Variants in FAM25C observed in about 807,000 individuals in gnomAD.
FAM25C encodes the protein protein FAM25C.
A neutral mutation model predicts 9.6 loss-of-function variants in FAM25C; 4 were observed. The observed-to-expected ratio is 0.42, with a 90% confidence interval of 0.20 to 0.95. FAM25C has a LOEUF of 0.95. Among genes scored for constraint, FAM25C ranks in the 40% least tolerant of loss-of-function variants. FAM25C has a pLI of 0.31. For synonymous variants in FAM25C, 23 were observed against 44.1 expected (o/e 0.52, Z 1.89); for missense variants, 38 against 110.4 (o/e 0.34, Z 2.94).
rs1842788010 is a variant in FAM25C, at chr10:47,995,456, T to G, written c.192A>C (p.Glu64Asp). 1 of 1,530,450 alleles carries G rather than the reference T, an allele frequency of 6.5e-7. No individual in the cohort carries two copies. The highest frequency in any genetic ancestry group is 8.7e-7 in the Non-Finnish European group (1 of 1,143,292). 94.8% of individuals were successfully genotyped at this position (1,530,450 alleles called of 1,614,324 possible). A position where few individuals can be genotyped will look rare whatever the true frequency, so the allele number is the denominator to read the frequency against. ...CTGTGTTGGTCACTGTCTCGGTGAT[T>G]TCCTTCATCTTTTTGTCCCCTGACT... ...AQESGDKKMKEITETVTNTVT... is the reference protein window; with the variant it reads ...AQESGDKKMKDITETVTNTVT... Residue 64 changes from glutamate (E) to aspartate (D), a missense_variant, in exon 3 of 3, where the codon GAA (glutamate) becomes GAC (aspartate). Glu to Asp is a conservative substitution (Grantham distance 45, BLOSUM62 2). Transcript: ENST00000617224.
At chr10:47,998,891 G>C (rs1212827435) in intron 1 of FAM25C, among the ~76,000 whole-genome samples, 2 of 105,776 alleles carry the variant, frequency 1.9e-5, no homozygotes, top group Admixed American at 2.1e-4. Flanking sequence ...TTCACACGAT[G>C]ACCCATGAGT....
chr10:47,995,578 C>T, intron 2 of FAM25C, 67 bp from the exon 3 acceptor site: 3 of 1,502,846 alleles, frequency 2.0e-6, no homozygotes, highest in Non-Finnish European at 1.8e-6. Context: ...CCTTGAGTGG[C>T]CTGTGGGATG....
intron 1 of FAM25C, among the ~76,000 whole-genome samples, chr10:47,998,115 G>A (rs1347479489): frequency 1.3e-5 from 2 of 151,408 alleles, no homozygotes; most frequent in East Asian, 3.9e-4. Context: ...GGCCTGGAAT[G>A]GCAATGAGCA....
chr10:47,996,820 ATTTTTTTTTT>A (rs60497249), intron 2 of FAM25C, among the ~76,000 whole-genome samples: 7 of 75,032 alleles, frequency 9.3e-5, no homozygotes, highest in East Asian at 3.0e-4. Context: ...TTACATGTTA[ATTTTTTTTTT>A]TTTTTTTTTT....
chr10:47,998,110 G>A (rs1842830436), intron 1 of FAM25C, among the ~76,000 whole-genome samples: 1 of 151,412 alleles, frequency 6.6e-6, no homozygotes, highest in Admixed American at 6.6e-5. Flanking sequence ...TGCCCGGCCT[G>A]GAATGGCAAT....
Position 47,999,703 on chromosome 10 carries a change from G to C in FAM25C, c.63C>G (p.Thr21=). The C allele has an allele frequency of 1.3e-6, 2 of 1,543,328 alleles. No homozygotes were observed. The highest frequency in any genetic ancestry group is 1.2e-5 in the South Asian group (1 of 83,722). The stretch of plus-strand genomic sequence containing the variant: ...GCCCCGGGTCCTCACTGGCTCCCTC[G>C]GTGGCCTTCTCGGTGCGGTGGGCCA... The part of the protein sequence containing the change: ...EGLAHRTEKA[T]EGAIHAVEEV... Residue 21 remains threonine (T), a synonymous_variant, in exon 1 of 3, where the codon ACC becomes ACG. Transcript: ENST00000617224.
chr10:47,997,067 C>A (rs1555256584), intron 2 of FAM25C, among the ~76,000 whole-genome samples: 1 of 149,108 alleles, frequency 6.7e-6, no homozygotes, highest in South Asian at 2.2e-4. Flanking sequence ...GATCCGCCCA[C>A]CTCAGCCTCC....
At position 47,995,331 on chromosome 10, in the gene FAM25C, C is replaced by T. The variant is rs1842785263; in HGVS notation, c.*47G>A. The T allele has an allele frequency of 1.5e-6, 2 of 1,345,232 alleles. No individual in the cohort carries two copies. Among genetic ancestry groups the T allele is most frequent in the South Asian group, 2.6e-5 (2 of 77,592 alleles). The allele number at this position is 1,345,232 out of a possible 1,614,324, so 83.3% of individuals were successfully genotyped here. A position where few individuals can be genotyped will look rare whatever the true frequency, so the allele number is the denominator to read the frequency against. ...AATCCAGCGCTCAATGTACACATGT[C>T]ATGGCTTTTTATTGAGACTGGGGAA... On this transcript the variant is annotated 3_prime_UTR_variant, in exon 3 of 3. Coordinates refer to ENST00000617224, the MANE Select transcript of FAM25C (RefSeq NM_001137548.3).
rs565431060 is a variant in FAM25C at position 47,997,378 on chromosome 10, G to T, written c.136+299C>A. Reference sequence around the variant, plus strand: ...CCCTCCTCAGCCTCCCAAAGTGCTGGGATTACAGGCATGAGCCACCGTGCC... The same window carrying T: ...CCCTCCTCAGCCTCCCAAAGTGCTGTGATTACAGGCATGAGCCACCGTGCC... On this transcript the variant is annotated intron_variant, in intron 2 of 2. Coordinates refer to ENST00000617224, the MANE Select transcript of FAM25C (RefSeq NM_001137548.3). Among the ~76,000 whole-genome samples, 19 of 151,958 alleles carry T rather than the reference G, an allele frequency of 1.3e-4. 1 individual carries two copies. Among genetic ancestry groups the T allele is most frequent in the Admixed American group, 7.2e-4 (11 of 15,248 alleles).
chr10:47,995,395 C>A lies in FAM25C; in HGVS notation c.253G>T (p.Asp85Tyr). Residue 85 changes from aspartate (D) to tyrosine (Y), a missense_variant, in exon 3 of 3, where the codon GAC becomes TAC. By Grantham distance (160) the Asp-to-Tyr change is radical (BLOSUM62 -3). Transcript: ENST00000617224. ...AGGTGCACTCACTGTCCAAGTTTGT[C>A]CAGACTTTCTGCTGCATGGGTGATG... ...NAITHAAESL[D>Y]KLGQ is the part of the protein sequence containing the mutation. 6.6e-7 allele frequency: 1 copy of A among 1,518,812 alleles called. No homozygotes were observed. Among genetic ancestry groups the A allele is most frequent in the South Asian group, 1.2e-5 (1 of 83,494 alleles). The allele number at this position is 1,518,812 out of a possible 1,614,324, so 94.1% of individuals were successfully genotyped here. A position where few individuals can be genotyped will look rare whatever the true frequency, so the allele number is the denominator to read the frequency against.
intron 2 of FAM25C, among the ~76,000 whole-genome samples, chr10:47,997,341 C>T (rs1361137518): frequency 2.0e-5 from 3 of 151,572 alleles, no homozygotes; most frequent in Non-Finnish European, 2.9e-5. Flanking sequence ...GATCTCCTGA[C>T]CTCGTGATCC....
rs557454343 is a variant in FAM25C, at chr10:47,997,553, A to T, written c.136+124T>A. The T allele has an allele frequency of 1.0e-4, 80 of 778,562 alleles. No individual in the cohort carries two copies. The African/African-American group carries it at 1.2e-3, about 12-fold the overall frequency. The allele number at this position is 778,562 out of a possible 1,614,324, so 48.2% of individuals were successfully genotyped here. ...AGCATAGATAACTGCCCCAGCCAAG[A>T]GGCTCTGAAAGGCTGCAACATTAGG... On this transcript the variant is annotated intron_variant, in intron 2 of 2. Coordinates refer to ENST00000617224, the MANE Select transcript of FAM25C (RefSeq NM_001137548.3).
rs1555256636 is a variant in FAM25C, at chr10:47,997,725, C to T, written c.88G>A (p.Glu30Lys). Residue 30 changes from glutamate to lysine, a missense_variant, in exon 2 of 3, where the codon GAA becomes AAA. This residue lies in a region of FAM25C where 8 missense variants were observed against 57.4 expected (regional missense o/e 0.14). Coordinates refer to ENST00000617224, the MANE Select transcript of FAM25C (RefSeq NM_001137548.3). ...ATEGAIHAVE[E>K]VVKEVVGHAK... ...TGTCCCACCACCTCCTTCACCACTT[C>T]CTCCACGGCATGAACTGAACAGAGG... 2 of 1,512,962 alleles carry T rather than the reference C, an allele frequency of 1.3e-6. No individual in the cohort carries two copies. The highest frequency in any genetic ancestry group is 8.9e-7 in the Non-Finnish European group (1 of 1,117,900). 93.7% of individuals were successfully genotyped at this position (1,512,962 alleles called of 1,614,324 possible).
At chr10:47,998,614 G>C (rs1441154351) in intron 1 of FAM25C, among the ~76,000 whole-genome samples, 2 of 100,948 alleles carry the variant, frequency 2.0e-5, no homozygotes, top group African/African-American at 3.3e-5. Context: ...TGAGGATGTG[G>C]AGGTTGAAAG....
chr10:47,997,875 A>C lies in FAM25C; in HGVS notation c.74-136T>G, dbSNP rs1464866376. 4.9e-5 allele frequency: 32 copies of C among 649,406 alleles called. 1 individual carries two copies. In the Admixed American group the frequency reaches 7.7e-4, roughly 16 times the overall value. 40.2% of individuals were successfully genotyped at this position (649,406 alleles called of 1,614,324 possible). On this transcript the variant is annotated intron_variant, in intron 1 of 2. Transcript: ENST00000617224. ...CTCAGAGCAGGCCCACTGCCCTCCC[A>C]GTCCAGGGTGAGGGCTCAGGGCTGG...
At chr10:47,998,319 A>G (rs1393452004) in intron 1 of FAM25C, among the ~76,000 whole-genome samples, 1 of 147,112 alleles carries the variant, frequency 6.8e-6, no homozygotes, top group Non-Finnish European at 1.5e-5. Flanking sequence ...TGTGGGTGGT[A>G]GTGTGCTAGA....
intron 2 of FAM25C, among the ~76,000 whole-genome samples, chr10:47,997,197 C>T (rs1555256600): frequency 6.7e-6 from 1 of 148,424 alleles, no homozygotes; most frequent in East Asian, 2.0e-4. Context: ...CAAGCTCTGC[C>T]TCCCAGGTAC....
chr10:47,998,136 C>A (rs3013918), intron 1 of FAM25C, among the ~76,000 whole-genome samples: 50,305 of 150,666 alleles, frequency 0.33, 8,865 homozygotes, highest in South Asian at 0.52. Flanking sequence ...GGCAGTCTTG[C>A]CAGCTGAGAC....
Sources: allele counts gnomAD v4.1 joint callset (sites outside exome capture counted in the v4.1 genomes callset), GRCh38; gene constraint gnomAD v4.1.1; regional missense constraint gnomAD v4.1.1; transcripts MANE v1.5; gene names NCBI Gene and HGNC (gene_info 2026-07-23, HGNC 2026-07-21).